Variants in TENM3 observed in about 807,000 individuals in gnomAD.
TENM3 encodes teneurin-3.
TENM3 carries 63 observed loss-of-function variants against 255.1 expected under a neutral mutation model. That is an observed-to-expected ratio of 0.25 (90% confidence interval 0.20 to 0.30). TENM3 has a LOEUF of 0.30. TENM3 is among the 10% of genes least tolerant of loss of function. The pLI is 1.00. For synonymous variants in TENM3, 1,306 were observed against 1,322.3 expected, an observed-to-expected ratio of 0.99 and a Z score of 0.27; for missense variants, 2,929 against 3,461.1, an observed-to-expected ratio of 0.85 and a Z score of 3.86.
At chr4:181,741,398 A>G in the TENM3 span, among the ~76,000 whole-genome samples, 1 of 152,174 alleles carries the variant, frequency 6.6e-6, no homozygotes, top group Non-Finnish European at 1.5e-5. Flanking sequence ...GAGAATTTGT[A>G]TATTTAATAA....
intron 4 of TENM3, among the ~76,000 whole-genome samples, chr4:182,621,106 A>G (rs1273590464): frequency 4.0e-5 from 6 of 151,690 alleles, no homozygotes; most frequent in Admixed American, 1.3e-4. Flanking sequence ...GCGTGAACTC[A>G]GGAGGCAGAG....
At chr4:182,137,103 C>G in the TENM3 span, among the ~76,000 whole-genome samples, 1 of 152,144 alleles carries the variant, frequency 6.6e-6, no homozygotes, top group African/African-American at 2.4e-5. Flanking sequence ...ATGACATCAG[C>G]AAGCTTTGTA....
At chr4:181,842,803 G>A in the TENM3 span, among the ~76,000 whole-genome samples, 1 of 152,178 alleles carries the variant, frequency 6.6e-6, no homozygotes, top group Admixed American at 6.5e-5. Context: ...AAGTATCATA[G>A]ACAATATGAT....
the TENM3 span, among the ~76,000 whole-genome samples, chr4:181,953,181 C>T: frequency 6.6e-6 from 1 of 152,036 alleles, no homozygotes. Flanking sequence ...CTATATGCTT[C>T]AAATTTAATC....
At chr4:182,477,871 G>C (rs918732061) in intron 3 of TENM3, among the ~76,000 whole-genome samples, 1 of 152,012 alleles carries the variant, frequency 6.6e-6, no homozygotes, top group Non-Finnish European at 1.5e-5. Flanking sequence ...GAAAAACAAA[G>C]TAAAAAATAA....
chr4:181,731,240 T>C, the TENM3 span, among the ~76,000 whole-genome samples: 1 of 152,226 alleles, frequency 6.6e-6, no homozygotes, highest in Non-Finnish European at 1.5e-5. Context: ...ATGTGCTATT[T>C]TTTAGGAATT....
the TENM3 span, among the ~76,000 whole-genome samples, chr4:181,827,436 T>C: frequency 6.6e-6 from 1 of 152,312 alleles, no homozygotes; most frequent in East Asian, 1.9e-4. Context: ...TGGCTCCGTG[T>C]ACCACCGGAG....
the TENM3 span, among the ~76,000 whole-genome samples, chr4:181,890,415 C>G: frequency 2.0e-5 from 3 of 151,862 alleles, 1 homozygote; most frequent in South Asian, 6.2e-4. Flanking sequence ...AAATAGGAAT[C>G]TGGTTTTCAA....
At chr4:182,282,117 T>G (rs1277467977) in intron 1 of TENM3, among the ~76,000 whole-genome samples, 1 of 152,196 alleles carries the variant, frequency 6.6e-6, no homozygotes, top group East Asian at 1.9e-4. Context: ...TGCCAGCTGT[T>G]AAAAAATCAA....
At chr4:181,575,509 A>T in the TENM3 span, among the ~76,000 whole-genome samples, 42 of 152,322 alleles carry the variant, frequency 2.8e-4, no homozygotes, top group Middle Eastern at 3.4e-3. Flanking sequence ...CAACCCAGTA[A>T]ACTATCTCTT....
intron 27 of TENM3, among the ~76,000 whole-genome samples, chr4:182,797,776 A>C (rs1766602849): frequency 6.6e-6 from 1 of 152,152 alleles, no homozygotes; most frequent in Non-Finnish European, 1.5e-5. Context: ...GACAGTGCAG[A>C]CTTTCTTAGG....
intron 4 of TENM3, among the ~76,000 whole-genome samples, chr4:182,606,390 G>C (rs555853545): frequency 5.9e-5 from 9 of 151,960 alleles, no homozygotes; most frequent in African/African-American, 9.7e-5. Context: ...CAGGCGGGGT[G>C]GTGGGCACCT....
At chr4:182,779,637 G>A (rs1325693937) in intron 24 of TENM3, among the ~76,000 whole-genome samples, 1 of 152,162 alleles carries the variant, frequency 6.6e-6, no homozygotes, top group Non-Finnish European at 1.5e-5. Context: ...TCGCCACACT[G>A]ACTTCCACAA....
At chr4:182,372,924 G>A (rs1766938949) in intron 3 of TENM3, among the ~76,000 whole-genome samples, 1 of 151,952 alleles carries the variant, frequency 6.6e-6, no homozygotes, top group African/African-American at 2.4e-5. Flanking sequence ...TTTTTGGGTA[G>A]AGATGAGGTT....
At chr4:182,381,561 C>A (rs1312985103) in intron 3 of TENM3, among the ~76,000 whole-genome samples, 1 of 99,498 alleles carries the variant, frequency 1.0e-5, no homozygotes, top group Non-Finnish European at 2.0e-5. Flanking sequence ...CCCCTCTTCT[C>A]CCCTCCCCTC....
chr4:182,625,355 G>A (rs988581877), intron 4 of TENM3, among the ~76,000 whole-genome samples: 1 of 152,214 alleles, frequency 6.6e-6, no homozygotes, highest in African/African-American at 2.4e-5. Context: ...TGTCAGATCA[G>A]AGATAGCATT....
chr4:182,318,580 C>G (rs537855303), intron 1 of TENM3, among the ~76,000 whole-genome samples: 2 of 152,294 alleles, frequency 1.3e-5, no homozygotes, highest in South Asian at 4.1e-4. Context: ...TTCATTCAGT[C>G]AAATACTTTG....
At chr4:182,071,994 A>G in the TENM3 span, among the ~76,000 whole-genome samples, 6 of 152,192 alleles carry the variant, frequency 3.9e-5, no homozygotes, top group African/African-American at 1.4e-4. Flanking sequence ...ATGCCAACAC[A>G]TTGCGGAGAA....
the TENM3 span, among the ~76,000 whole-genome samples, chr4:181,663,832 C>T: frequency 1.3e-5 from 2 of 152,130 alleles, no homozygotes; most frequent in Non-Finnish European, 2.9e-5. Flanking sequence ...GTGTGATTTC[C>T]TTGCCATGCT....
Sources: allele counts gnomAD v4.1 joint callset (sites outside exome capture counted in the v4.1 genomes callset), GRCh38; gene constraint gnomAD v4.1.1; transcripts MANE v1.5; gene names NCBI Gene and HGNC (gene_info 2026-07-23, HGNC 2026-07-21).